Variants in SEMA3A observed in about 807,000 individuals in gnomAD.
The protein encoded by SEMA3A is semaphorin-3A.
Under a neutral mutation model 97.9 loss-of-function variants are expected in SEMA3A, and 29 were observed. The observed-to-expected ratio is 0.30, with a 90% CI of 0.22 to 0.40. SEMA3A has a LOEUF of 0.40. SEMA3A is among the 10% of genes least tolerant of loss of function. SEMA3A has a pLI of 1.00. For synonymous variants in SEMA3A, 321 were observed against 323.7 expected (o/e 0.99, Z 0.09); for missense variants, 763 against 951.3 (o/e 0.80, Z 2.60).
At chr7:84,445,060 G>C (rs1288604130) in intron 1 of SEMA3A, among the ~76,000 whole-genome samples, 1 of 151,854 alleles carries the variant, frequency 6.6e-6, no homozygotes, top group African/African-American at 2.4e-5. Context: ...ATCCTGTTTT[G>C]ACATAACAAA....
At chr7:84,265,743 T>C (rs1316325672) in intron 3 of SEMA3A, among the ~76,000 whole-genome samples, 2 of 151,840 alleles carry the variant, frequency 1.3e-5, no homozygotes, top group South Asian at 2.1e-4. Flanking sequence ...ACTAATCTAG[T>C]AACAGGTCTC....
Position 84,403,762 on chromosome 7 carries a change from C to T in SEMA3A, c.-245-31862G>A, listed in dbSNP as rs1803979450. On this transcript the variant is annotated intron_variant, in intron 1 of 3. Coordinates refer to the SEMA3A transcript ENST00000424555. ...AATATCTGCTGTTCTGCAGCCACCA[C>T]TGCTGATACCCAGGCAAACAGGGTC... 3.3e-5 allele frequency among the ~76,000 whole-genome samples: 5 copies of T among 152,294 alleles called. No individual in the cohort carries two copies. In the South Asian group the frequency reaches 1.0e-3, roughly 32 times the overall value.
chr7:84,392,170 C>T (rs1207854348), intron 1 of SEMA3A, among the ~76,000 whole-genome samples: 1 of 152,012 alleles, frequency 6.6e-6, no homozygotes, highest in Non-Finnish European at 1.5e-5. Flanking sequence ...AGGTATTCGT[C>T]ATGCTGTGTA....
intron 1 of SEMA3A, among the ~76,000 whole-genome samples, chr7:84,397,637 T>G (rs1445976904): frequency 6.6e-6 from 1 of 151,814 alleles, no homozygotes; most frequent in Admixed American, 6.6e-5. Flanking sequence ...TTTTTACAAT[T>G]CCTAGCATTT....
At chr7:84,118,039 A>T (rs925590726) in intron 3 of SEMA3A, among the ~76,000 whole-genome samples, 3 of 152,182 alleles carry the variant, frequency 2.0e-5, no homozygotes, top group African/African-American at 7.2e-5. Context: ...ATGCCATTTC[A>T]CCAATTACGA....
At chr7:84,048,223 T>C (rs1465412461) in intron 5 of SEMA3A, among the ~76,000 whole-genome samples, 1 of 152,060 alleles carries the variant, frequency 6.6e-6, no homozygotes, top group Non-Finnish European at 1.5e-5. Flanking sequence ...TATACATTCT[T>C]CACTTACTTA....
At chr7:84,116,511 C>T (rs1213038079) in intron 3 of SEMA3A, among the ~76,000 whole-genome samples, 1 of 152,122 alleles carries the variant, frequency 6.6e-6, no homozygotes, top group Non-Finnish European at 1.5e-5. Context: ...AAGCTGAACT[C>T]CATTTTCTCA....
chr7:84,312,173 C>T (rs1360901502), intron 2 of SEMA3A, among the ~76,000 whole-genome samples: 2 of 151,800 alleles, frequency 1.3e-5, no homozygotes, highest in East Asian at 1.9e-4. Context: ...AGAGTAGAAA[C>T]CTGAAACTCA....
At chr7:84,434,097 C>T (rs1184914360) in intron 1 of SEMA3A, among the ~76,000 whole-genome samples, 1 of 151,954 alleles carries the variant, frequency 6.6e-6, no homozygotes, top group Non-Finnish European at 1.5e-5. Flanking sequence ...TTTGTCTTGA[C>T]TTTTCAATAG....
At position 84,229,628 on chromosome 7, in the gene SEMA3A, C is replaced by T. The variant is rs182005842; in HGVS notation, c.-82-34960G>A. 7.7e-4 allele frequency among the ~76,000 whole-genome samples: 117 copies of T among 151,988 alleles called. 1 individual carries two copies. Among genetic ancestry groups the T allele is most frequent in the African/African-American group, 2.7e-3 (114 of 41,490 alleles). On this transcript the variant is annotated intron_variant, in intron 3 of 3. Transcript: ENST00000424555. ...TTATATTTCTATATCAATGTTAGTT[C>T]ATAATGAAAGGTTTTCTGTAGAGTA...
At position 83,956,846 on chromosome 7, in the gene SEMA3A, T is replaced by G. The variant is rs924625442; in HGVS notation, c.*4525A>C. On this transcript the variant is annotated 3_prime_UTR_variant, in exon 17 of 17. Transcript: ENST00000265362. Reference sequence around the variant, plus strand: ...GTTTCTTCATCTAGGCATATCTGACTGATTCACAGCTGGAAAGTCACTTAT... The same window carrying G: ...GTTTCTTCATCTAGGCATATCTGACGGATTCACAGCTGGAAAGTCACTTAT... 3 of 152,168 alleles carry G rather than the reference T, an allele frequency of 2.0e-5. No individual in the cohort carries two copies. Among genetic ancestry groups the G allele is most frequent in the Admixed American group, 2.0e-4 (3 of 15,272 alleles). The allele number at this position is 152,168 out of a possible 1,614,324, so 9.4% of individuals were successfully genotyped here.
In SEMA3A at chr7:84,453,528, G is replaced by C. The variant is rs547394465; in HGVS notation, c.-246+38932C>G. Among the ~76,000 whole-genome samples the C allele has an allele frequency of 2.6e-5, 4 of 152,142 alleles. No individual in the cohort carries two copies. In the South Asian group the frequency reaches 6.2e-4, roughly 24 times the overall value. ...TGGGATTACAGGCGTGAGCCACCGC[G>C]CCCGGCCGAGACTTTGTTTCTATTG... is the stretch of plus-strand genomic sequence containing the variant. On this transcript the variant is annotated intron_variant, in intron 1 of 3. Transcript: ENST00000424555.
intron 1 of SEMA3A, among the ~76,000 whole-genome samples, chr7:84,148,812 C>A (rs1479040167): frequency 6.6e-6 from 1 of 152,142 alleles, no homozygotes; most frequent in African/African-American, 2.4e-5. Flanking sequence ...TCCACTTCCA[C>A]TTGAAGAGTA....
Position 84,218,455 on chromosome 7 carries a change from C to T in SEMA3A, c.-82-23787G>A, listed in dbSNP as rs375249284. ...ATTAAGGATTATTGTTTCATAATCC[C>T]TAGTTTTCTTGCTTCCTAATAGAAA... On this transcript the variant is annotated intron_variant, in intron 3 of 3. Coordinates refer to the SEMA3A transcript ENST00000424555. Among the ~76,000 whole-genome samples the T allele has an allele frequency of 2.3e-4, 35 of 152,176 alleles. 1 individual carries two copies. In the East Asian group the frequency reaches 4.1e-3, roughly 18 times the overall value.
At chr7:84,065,548 G>A (rs1338698630) in intron 4 of SEMA3A, among the ~76,000 whole-genome samples, 1 of 148,056 alleles carries the variant, frequency 6.8e-6, no homozygotes, top group Non-Finnish European at 1.5e-5. Context: ...AAAAAAGAGA[G>A]AAGAATCAAA....
intron 1 of SEMA3A, among the ~76,000 whole-genome samples, chr7:84,438,513 G>A (rs1459599976): frequency 2.6e-5 from 4 of 152,108 alleles, no homozygotes; most frequent in Non-Finnish European, 5.9e-5. Flanking sequence ...TAATGAGCTA[G>A]ATAACATTTC....
At chr7:83,967,369 C>G (rs1366765224) in intron 15 of SEMA3A, among the ~76,000 whole-genome samples, 1 of 152,130 alleles carries the variant, frequency 6.6e-6, no homozygotes, top group African/African-American at 2.4e-5. Flanking sequence ...CTTCTCTCCC[C>G]AGCTCCAGAA....
intron 6 of SEMA3A, among the ~76,000 whole-genome samples, chr7:84,042,961 A>C (rs1278198529): frequency 6.6e-6 from 1 of 152,074 alleles, no homozygotes; most frequent in Non-Finnish European, 1.5e-5. Context: ...ATATACACAG[A>C]ACAATTTTAC....
At chr7:84,117,834 G>A (rs1454278246) in intron 3 of SEMA3A, among the ~76,000 whole-genome samples, 1 of 152,184 alleles carries the variant, frequency 6.6e-6, no homozygotes, top group African/African-American at 2.4e-5. Context: ...CTATAAGAAA[G>A]TTACTTAGAA....
Sources: gnomAD v4.1 joint callset for allele counts (sites outside exome capture counted in the v4.1 genomes callset) on GRCh38, gnomAD v4.1.1 for gene constraint, MANE v1.5 for transcripts, NCBI Gene and HGNC (gene_info 2026-07-23, HGNC 2026-07-21) for gene names.